GNAQ: variants seen among roughly 807,000 people sequenced by gnomAD.
The protein encoded by GNAQ is G protein subunit alpha q.
In GNAQ, 8 loss-of-function variants were observed where a neutral mutation model predicts 43.9. That is an observed-to-expected ratio of 0.18 (90% CI 0.11 to 0.33). The LOEUF is 0.33. Among genes scored for constraint, GNAQ ranks in the 10% least tolerant of loss-of-function variants. The pLI is 1.00. For missense variants in GNAQ, 158 were observed against 450.8 expected, an observed-to-expected ratio of 0.35 and a Z score of 5.88; for synonymous variants, 155 against 170.7, an observed-to-expected ratio of 0.91 and a Z score of 0.71.
intron 1 of GNAQ, among the ~76,000 whole-genome samples, chr9:77,949,520 GGCCACACAAGTCCCAAA>G (rs995639985): frequency 1.3e-5 from 2 of 152,136 alleles, no homozygotes; most frequent in Admixed American, 1.3e-4. Context: ...CAGTAGTGCC[GGCCACACAAGTCCCAAA>G]GCCCTTGGTT....
chr9:77,804,970 T>A (rs868492285), intron 3 of GNAQ, among the ~76,000 whole-genome samples: 2 of 152,072 alleles, frequency 1.3e-5, no homozygotes, highest in Non-Finnish European at 2.9e-5. Flanking sequence ...TGTCTGACAC[T>A]ATCAAAAGCA....
At chr9:77,996,677 C>CAAAAA (rs3083223) in intron 1 of GNAQ, among the ~76,000 whole-genome samples, 14 of 105,570 alleles carry the variant, frequency 1.3e-4, no homozygotes, top group African/African-American at 1.9e-4. Context: ...GACTCCATCT[C>CAAAAA]AAAAAAAAAA....
At chr9:78,028,557 A>G (rs1230820076) in intron 1 of GNAQ, among the ~76,000 whole-genome samples, 1 of 152,218 alleles carries the variant, frequency 6.6e-6, no homozygotes, top group Non-Finnish European at 1.5e-5. Flanking sequence ...CAAGCCTTGA[A>G]CTAAAATTTA....
intron 2 of GNAQ, among the ~76,000 whole-genome samples, chr9:77,886,088 T>G (rs981757900): frequency 6.6e-6 from 1 of 152,168 alleles, no homozygotes; most frequent in African/African-American, 2.4e-5. Flanking sequence ...GTGACTCTCC[T>G]GCCTCAGCCT....
chr9:78,003,149 T>C (rs1335975800), intron 1 of GNAQ, among the ~76,000 whole-genome samples: 2 of 152,174 alleles, frequency 1.3e-5, no homozygotes, highest in Admixed American at 6.5e-5. Flanking sequence ...AAACCAAATT[T>C]GTGTCTGTAT....
At chr9:77,726,457 A>T (rs1825397712) in intron 6 of GNAQ, among the ~76,000 whole-genome samples, 1 of 152,222 alleles carries the variant, frequency 6.6e-6, no homozygotes, top group African/African-American at 2.4e-5. Flanking sequence ...TTTCCCTTTC[A>T]TGAGCCAGGA....
intron 5 of GNAQ, among the ~76,000 whole-genome samples, chr9:77,762,675 A>AGAT (rs1442631390): frequency 6.6e-6 from 1 of 151,884 alleles, no homozygotes; most frequent in African/African-American, 2.4e-5. Flanking sequence ...GGTGGGGAAA[A>AGAT]GATTGAGAAA....
At chr9:77,937,049 C>A (rs899902814) in intron 1 of GNAQ, among the ~76,000 whole-genome samples, 1 of 152,120 alleles carries the variant, frequency 6.6e-6, no homozygotes, top group Non-Finnish European at 1.5e-5. Flanking sequence ...TGTACTATAA[C>A]AGGTGCCACA....
At chr9:77,801,200 A>G (rs565660571) in intron 3 of GNAQ, among the ~76,000 whole-genome samples, 12 of 152,338 alleles carry the variant, frequency 7.9e-5, no homozygotes, top group African/African-American at 2.9e-4. Flanking sequence ...CATTGCTTGG[A>G]TAAGATGGAA....
intron 1 of GNAQ, among the ~76,000 whole-genome samples, chr9:78,015,335 A>G (rs1407004023): frequency 1.3e-5 from 2 of 152,202 alleles, no homozygotes; most frequent in Non-Finnish European, 2.9e-5. Flanking sequence ...GGCTCACACA[A>G]TAACAACATC....
At chr9:77,967,911 C>T (rs566691467) in intron 1 of GNAQ, among the ~76,000 whole-genome samples, 17 of 151,796 alleles carry the variant, frequency 1.1e-4, no homozygotes, top group Non-Finnish European at 1.9e-4. Flanking sequence ...ACTTGGGAGG[C>T]GGAGGTTGCA....
chr9:77,853,594 T>C (rs749224087), intron 2 of GNAQ, among the ~76,000 whole-genome samples: 7 of 152,004 alleles, frequency 4.6e-5, no homozygotes, highest in African/African-American at 1.7e-4. Flanking sequence ...GGCTCAGTGA[T>C]TGTAGATTTT....
At chr9:77,831,856 T>C (rs1397886308) in intron 2 of GNAQ, among the ~76,000 whole-genome samples, 1 of 152,224 alleles carries the variant, frequency 6.6e-6, no homozygotes, top group East Asian at 1.9e-4. Context: ...AACACTTTTA[T>C]GTATCTATAT....
intron 5 of GNAQ, among the ~76,000 whole-genome samples, chr9:77,761,915 G>A (rs1283024120): frequency 0.024 from 2,439 of 101,708 alleles, 39 homozygotes; most frequent in Non-Finnish European, 0.035. Context: ...TCAGCCCCCC[G>A]CCCGGCCAGC....
At chr9:77,809,242 C>T (rs911203709) in intron 3 of GNAQ, among the ~76,000 whole-genome samples, 1 of 152,144 alleles carries the variant, frequency 6.6e-6, no homozygotes, top group Non-Finnish European at 1.5e-5. Context: ...TCTGATTTAC[C>T]CAGCTCCCTG....
intron 1 of GNAQ, among the ~76,000 whole-genome samples, chr9:77,946,004 TTGCTACTTTA>T (rs1311814853): frequency 5.3e-5 from 8 of 152,218 alleles, no homozygotes; most frequent in Non-Finnish European, 1.0e-4. Flanking sequence ...CTAGCATGCC[TTGCTACTTTA>T]AGTGGAGGAC....
At chr9:77,952,007 C>T (rs1031133647) in intron 1 of GNAQ, among the ~76,000 whole-genome samples, 3 of 152,094 alleles carry the variant, frequency 2.0e-5, no homozygotes, top group Non-Finnish European at 4.4e-5. Context: ...TAGCTTCAGC[C>T]GAAAGGCATT....
chr9:77,762,484 G>GC (rs1215899538), intron 5 of GNAQ, among the ~76,000 whole-genome samples: 3 of 144,566 alleles, frequency 2.1e-5, no homozygotes, highest in Non-Finnish European at 4.5e-5. Context: ...GGGGGGGTCA[G>GC]CCCCCCGCCT....
At chr9:77,767,528 T>C (rs1187790928) in intron 5 of GNAQ, among the ~76,000 whole-genome samples, 1 of 152,182 alleles carries the variant, frequency 6.6e-6, no homozygotes, top group Non-Finnish European at 1.5e-5. Flanking sequence ...ACACTGAAAT[T>C]ATCAGCAAGT....
Sources: allele counts gnomAD v4.1 joint callset (sites outside exome capture counted in the v4.1 genomes callset), GRCh38; gene constraint gnomAD v4.1.1; transcripts MANE v1.5; gene names NCBI Gene and HGNC (gene_info 2026-07-23, HGNC 2026-07-21).